The following SV2B variants were observed in gnomAD, a reference collection of about 807,000 sequenced individuals.
The protein encoded by SV2B is solute carrier family 22 member B2.
Under a neutral mutation model 73.9 loss-of-function variants are expected in SV2B, and 41 were observed. That is an observed-to-expected ratio of 0.56 (90% confidence interval 0.43 to 0.72). SV2B has a LOEUF of 0.72. Ranked by LOEUF, SV2B falls within the 30% of genes least tolerant of loss-of-function variation. The pLI is 0.00. For synonymous variants in SV2B, 314 were observed against 314.2 expected, an observed-to-expected ratio of 1.00 and a Z score of 0.01; for missense variants, 764 against 857.8, an observed-to-expected ratio of 0.89 and a Z score of 1.37.
chr15:91,132,341 G>A lies in SV2B; in HGVS notation c.-392+31978G>A, dbSNP rs2042679562. 6.6e-6 allele frequency among the ~76,000 whole-genome samples: 1 copy of A among 152,178 alleles called. No individual in the cohort carries two copies. The highest frequency in any genetic ancestry group is 2.4e-5 in the African/African-American group (1 of 41,448). ...CCAGAGGCTGAAGTGAAGTTACAAAGGTCACACACCTGTGCAAACATTGGT... is the reference window on the plus strand; with the variant it reads ...CCAGAGGCTGAAGTGAAGTTACAAAAGTCACACACCTGTGCAAACATTGGT... On this transcript the variant is annotated intron_variant, in intron 1 of 12. Transcript: ENST00000394232. This position sits in a 1 kb window ranked among gnomAD's most constrained non-coding sequence, Gnocchi z 4.6.
At chr15:91,148,051 G>A (rs1194910528) in intron 1 of SV2B, among the ~76,000 whole-genome samples, 1 of 129,184 alleles carries the variant, frequency 7.7e-6, no homozygotes, top group African/African-American at 2.9e-5. Context: ...TGCAATCTCG[G>A]CTCACTGCAA....
At chr15:91,201,935 C>G (rs2045473289) in intron 1 of SV2B, among the ~76,000 whole-genome samples, 1 of 152,218 alleles carries the variant, frequency 6.6e-6, no homozygotes, top group South Asian at 2.1e-4. Context: ...CTCAACATAG[C>G]AGCCAGGTGA....
rs778174098 is a variant in SV2B, at chr15:91,253,799, C to T, written c.784+1279C>T. On this transcript the variant is annotated intron_variant, in intron 4 of 12. Coordinates refer to ENST00000394232, the MANE Select transcript of SV2B (RefSeq NM_001323032.3). The surrounding 1 kb of genome is among the most constrained non-coding windows in gnomAD (Gnocchi z 5.0). The stretch of plus-strand genomic sequence containing the variant: ...CAGTGGCCCCCAATCTGTAACATGC[C>T]CACACTCTTCTGCAAGGGACACTGG... Among the ~76,000 whole-genome samples the T allele has an allele frequency of 1.3e-5, 2 of 152,198 alleles. No individual in the cohort carries two copies. The highest frequency in any genetic ancestry group is 4.8e-5 in the African/African-American group (2 of 41,446).
chr15:91,142,362 A>T (rs12148632), intron 1 of SV2B, among the ~76,000 whole-genome samples: 1 of 151,968 alleles, frequency 6.6e-6, no homozygotes, highest in Non-Finnish European at 1.5e-5. Flanking sequence ...ATTTTCCTGA[A>T]CAAAGAGAAC....
intron 9 of SV2B, among the ~76,000 whole-genome samples, chr15:91,274,351 C>G (rs1195830302): frequency 6.6e-6 from 1 of 152,178 alleles, no homozygotes; most frequent in Non-Finnish European, 1.5e-5. Flanking sequence ...GTTATGTCCT[C>G]TCTTTCTTTT....
chr15:91,300,523 C>G lies in SV2B; in HGVS notation c.*7971C>G, dbSNP rs1368862555. The G allele has an allele frequency of 1.3e-5, 2 of 152,184 alleles. No individual in the cohort carries two copies. The highest frequency in any genetic ancestry group is 4.8e-5 in the African/African-American group (2 of 41,452). The allele number at this position is 152,184 out of a possible 1,614,324, so 9.4% of individuals were successfully genotyped here. On this transcript the variant is annotated 3_prime_UTR_variant, in exon 13 of 13. Coordinates refer to ENST00000394232, the MANE Select transcript of SV2B (RefSeq NM_001323032.3). ...TGGAAAGTTCAAATTAATCTTTGGGCTCCAAAGAGCAATTCTGAAGGATTA... is the reference window on the plus strand; with the variant it reads ...TGGAAAGTTCAAATTAATCTTTGGGGTCCAAAGAGCAATTCTGAAGGATTA...
chr15:91,159,549 A>G (rs2043635787), intron 1 of SV2B, among the ~76,000 whole-genome samples: 1 of 152,238 alleles, frequency 6.6e-6, no homozygotes, highest in Non-Finnish European at 1.5e-5. Flanking sequence ...AAATAAGAAT[A>G]GAAGAATACT....
In SV2B at chr15:91,284,676, C is replaced by T. The variant is rs1046052858; in HGVS notation, c.1708+455C>T. Among the ~76,000 whole-genome samples the T allele has an allele frequency of 2.6e-5, 4 of 152,168 alleles. No homozygotes were observed. Among genetic ancestry groups the T allele is most frequent in the East Asian group, 1.9e-4 (1 of 5,200 alleles). ...CAGAGTCATGTTGAAATCCTATCAC[C>T]GAAAGGCTGTTTGACCTTGAATGTG... On this transcript the variant is annotated intron_variant, in intron 11 of 12. Coordinates refer to ENST00000394232, the MANE Select transcript of SV2B (RefSeq NM_001323032.3). This position sits in a 1 kb window ranked among gnomAD's most constrained non-coding sequence, Gnocchi z 4.5.
rs1003825756 is a variant in SV2B at position 91,122,616 on chromosome 15, C to T, written c.-392+22253C>T. On this transcript the variant is annotated intron_variant, in intron 1 of 12. Transcript: ENST00000394232. This position sits in a 1 kb window ranked among gnomAD's most constrained non-coding sequence, Gnocchi z 4.3. ...GTCTGAGTGATTTAACAAAACTGGA[C>T]GTTCCATTAAGATACTTTGCACCTG... Among the ~76,000 whole-genome samples, 7 of 152,290 alleles carry T rather than the reference C, an allele frequency of 4.6e-5. No homozygotes were observed. The highest frequency in any genetic ancestry group is 1.9e-4 in the East Asian group (1 of 5,186).
intron 4 of SV2B, among the ~76,000 whole-genome samples, chr15:91,257,219 G>C (rs953022462): frequency 2.6e-5 from 4 of 152,224 alleles, no homozygotes; most frequent in Non-Finnish European, 5.9e-5. Flanking sequence ...AAAAATCAAT[G>C]TACTCTCAAA....
At chr15:91,219,637 C>T (rs1247311282) in intron 1 of SV2B, among the ~76,000 whole-genome samples, 4 of 151,968 alleles carry the variant, frequency 2.6e-5, no homozygotes, top group African/African-American at 9.7e-5. Flanking sequence ...ATTTTATATA[C>T]CATAAAATCC....
chr15:91,188,636 A>G (rs2044874848), intron 1 of SV2B, among the ~76,000 whole-genome samples: 1 of 151,838 alleles, frequency 6.6e-6, no homozygotes, highest in Admixed American at 6.6e-5. Context: ...TATTTTGAAC[A>G]TGAATATGTC....
intron 1 of SV2B, among the ~76,000 whole-genome samples, chr15:91,160,700 T>TCCCA (rs2043683372): frequency 6.7e-6 from 1 of 150,350 alleles, no homozygotes; most frequent in South Asian, 2.1e-4. Context: ...CAAGAGGGAG[T>TCCCA]CCCAAAATAG....
At chr15:91,182,317 G>A (rs1359442052) in intron 1 of SV2B, among the ~76,000 whole-genome samples, 1 of 152,174 alleles carries the variant, frequency 6.6e-6, no homozygotes, top group Non-Finnish European at 1.5e-5. Context: ...TTCAGGCCCT[G>A]CACTAAATTT....
intron 1 of SV2B, among the ~76,000 whole-genome samples, chr15:91,152,451 T>G (rs1250080152): frequency 6.6e-6 from 1 of 152,176 alleles, no homozygotes; most frequent in Non-Finnish European, 1.5e-5. Context: ...TCCTGATCTT[T>G]TTCCATATGA....
intron 1 of SV2B, among the ~76,000 whole-genome samples, chr15:91,219,423 C>G (rs2046143323): frequency 6.6e-6 from 1 of 152,000 alleles, no homozygotes; most frequent in Non-Finnish European, 1.5e-5. Context: ...AGGATGCTTG[C>G]CAAATGGGTT....
intron 1 of SV2B, among the ~76,000 whole-genome samples, chr15:91,170,359 C>A (rs1008420237): frequency 6.6e-6 from 1 of 152,188 alleles, no homozygotes; most frequent in African/African-American, 2.4e-5. Flanking sequence ...ACAATCTCAG[C>A]TCACTGCAAC....
intron 1 of SV2B, among the ~76,000 whole-genome samples, chr15:91,191,070 T>TTTTTTTTTTTTTTC (rs2045004087): frequency 6.4e-5 from 8 of 125,640 alleles, no homozygotes; most frequent in African/African-American, 1.6e-4. Context: ...TTTCTTTTTT[T>TTTTTTTTTTTTTTC]TTTTTTTTTT....
Position 91,281,459 on chromosome 15 carries a change from G to A in SV2B, c.1374-269G>A, listed in dbSNP as rs566023899. On this transcript the variant is annotated intron_variant, in intron 9 of 12. Transcript: ENST00000394232. The surrounding 1 kb of genome is among the most constrained non-coding windows in gnomAD (Gnocchi z 4.7). ...TTCACATTTCTGTGATTCTGACTTA[G>A]AAGGTCCGTGGACCTGCCTTTGAAA... is the stretch of plus-strand genomic sequence containing the variant. Among the ~76,000 whole-genome samples the A allele has an allele frequency of 6.6e-6, 1 of 152,158 alleles. No individual in the cohort carries two copies. The highest frequency in any genetic ancestry group is 1.5e-5 in the Non-Finnish European group (1 of 68,034).
Sources: gnomAD v4.1 joint callset for allele counts (sites outside exome capture counted in the v4.1 genomes callset) on GRCh38, gnomAD v4.1.1 for gene constraint, Gnocchi (gnomAD v3.1) non-coding constraint, MANE v1.5 for transcripts, NCBI Gene and HGNC (gene_info 2026-07-23, HGNC 2026-07-21) for gene names.